The following GALNTL6 variants were observed in gnomAD, a reference collection of about 807,000 sequenced individuals.
GALNTL6 encodes polypeptide N-acetylgalactosaminyltransferase like 6, also known as polypeptide N-acetylgalactosaminyltransferase-like 6.
Under a neutral mutation model 73.7 loss-of-function variants are expected in GALNTL6, and 46 were observed. That is an observed-to-expected ratio of 0.62 (90% confidence interval 0.49 to 0.80). GALNTL6 has a LOEUF of 0.80. Among genes scored for constraint, GALNTL6 ranks in the 30% least tolerant of loss-of-function variants. The probability of loss-of-function intolerance (pLI) is 0.00; values close to 1 mark genes in which losing one functional copy is unlikely to be tolerated. For synonymous variants in GALNTL6, 259 were observed against 263.7 expected, an observed-to-expected ratio of 0.98 and a Z score of 0.17; for missense variants, 604 against 755.0, an observed-to-expected ratio of 0.80 and a Z score of 2.34.
intron 5 of GALNTL6, among the ~76,000 whole-genome samples, chr4:172,551,855 G>A (rs1327749317): frequency 6.6e-6 from 1 of 152,046 alleles, no homozygotes; most frequent in Non-Finnish European, 1.5e-5. Context: ...TAAACAATGG[G>A]GGTGTTTTAT....
chr4:172,692,543 T>G (rs1214680150), intron 5 of GALNTL6, among the ~76,000 whole-genome samples: 3 of 152,192 alleles, frequency 2.0e-5, no homozygotes, highest in African/African-American at 7.2e-5. Context: ...GAAAATTATA[T>G]GTCATTGTTT....
At chr4:171,825,915 A>G (rs1428008091) in intron 2 of GALNTL6, among the ~76,000 whole-genome samples, 1 of 152,158 alleles carries the variant, frequency 6.6e-6, no homozygotes, top group Non-Finnish European at 1.5e-5. Flanking sequence ...TTTTCAGCTC[A>G]AGTCTTCTGC....
intron 5 of GALNTL6, among the ~76,000 whole-genome samples, chr4:172,662,482 C>T (rs758394095): frequency 7.9e-5 from 12 of 152,168 alleles, no homozygotes; most frequent in Non-Finnish European, 1.5e-4. Context: ...CCACGATAAT[C>T]GGCAGTGTAT....
chr4:172,668,731 A>C (rs1731806640), intron 5 of GALNTL6: 1 of 152,172 alleles, frequency 6.6e-6, no homozygotes, highest in South Asian at 2.1e-4. Flanking sequence ...AAAGTAACAG[A>C]AAAAGAGCTC....
At chr4:172,139,808 T>C (rs1458865037) in intron 2 of GALNTL6, among the ~76,000 whole-genome samples, 3 of 152,152 alleles carry the variant, frequency 2.0e-5, no homozygotes, top group African/African-American at 7.2e-5. Flanking sequence ...TTTTCACTTA[T>C]TTTTTTAAAA....
chr4:173,031,766 G>C (rs920211479), intron 12 of GALNTL6, among the ~76,000 whole-genome samples: 1 of 152,112 alleles, frequency 6.6e-6, no homozygotes, highest in South Asian at 2.1e-4. Context: ...ATGGATAGAC[G>C]GAAACAAGGT....
chr4:172,201,597 G>A (rs748852966), intron 2 of GALNTL6, among the ~76,000 whole-genome samples: 7 of 151,770 alleles, frequency 4.6e-5, no homozygotes, highest in South Asian at 2.1e-4. Flanking sequence ...GTTATTAAAC[G>A]AAACACAGAT....
chr4:172,211,852 G>A (rs1414054577), intron 2 of GALNTL6, among the ~76,000 whole-genome samples: 1 of 152,136 alleles, frequency 6.6e-6, no homozygotes, highest in African/African-American at 2.4e-5. Flanking sequence ...TTTCATAAGG[G>A]TGCTAATACC....
intron 2 of GALNTL6, among the ~76,000 whole-genome samples, chr4:171,896,889 AT>A (rs1253010581): frequency 1.3e-5 from 2 of 152,212 alleles, no homozygotes; most frequent in Admixed American, 1.3e-4. Flanking sequence ...AAAAATTAAA[AT>A]TTAATTCTAA....
chr4:172,912,472 G>GTACCGTCC lies in GALNTL6; in HGVS notation c.1042-18689_1042-18688insTACCGTCC, dbSNP rs1432369579. On this transcript the variant is annotated intron_variant, in intron 8 of 12. Transcript: ENST00000506823. ...AGGGAATTCCCTTTCCTAGACAAGGGAAGCCATGACAGACGGTACCTGCAA... is the reference window on the plus strand; with the variant it reads ...AGGGAATTCCCTTTCCTAGACAAGGGTACCGTCCAAGCCATGACAGACGGTACCTGCAA... Among the ~76,000 whole-genome samples, 11 of 152,342 alleles carry GTACCGTCC rather than the reference G, an allele frequency of 7.2e-5. No homozygotes were observed. In the East Asian group the frequency reaches 2.1e-3, roughly 29 times the overall value.
intron 5 of GALNTL6, among the ~76,000 whole-genome samples, chr4:172,719,990 G>C (rs577666912): frequency 6.6e-6 from 1 of 152,132 alleles, no homozygotes; most frequent in Admixed American, 6.5e-5. Flanking sequence ...GCAGTAGTGA[G>C]GACGACCGGA....
At chr4:172,202,473 G>A (rs565366059) in intron 2 of GALNTL6, among the ~76,000 whole-genome samples, 5 of 152,102 alleles carry the variant, frequency 3.3e-5, no homozygotes, top group East Asian at 1.9e-4. Flanking sequence ...TTTCATATAC[G>A]ATCAAATATG....
chr4:171,934,833 T>G (rs1234117471), intron 2 of GALNTL6, among the ~76,000 whole-genome samples: 1 of 152,222 alleles, frequency 6.6e-6, no homozygotes, highest in Non-Finnish European at 1.5e-5. Context: ...CCTGTCATAT[T>G]AACCAATTTC....
chr4:172,367,544 T>A (rs747364395), intron 5 of GALNTL6, among the ~76,000 whole-genome samples: 2 of 152,156 alleles, frequency 1.3e-5, no homozygotes, highest in Admixed American at 6.5e-5. Context: ...GCATACAGTC[T>A]GTATTGGAAA....
intron 5 of GALNTL6, among the ~76,000 whole-genome samples, chr4:172,372,162 A>G (rs1341242120): frequency 2.6e-5 from 4 of 152,176 alleles, no homozygotes; most frequent in African/African-American, 7.2e-5. Flanking sequence ...ATGAGCTTCC[A>G]TCGGTATATA....
intron 2 of GALNTL6, among the ~76,000 whole-genome samples, chr4:172,043,586 A>T (rs1203193695): frequency 6.6e-6 from 1 of 152,064 alleles, no homozygotes; most frequent in Non-Finnish European, 1.5e-5. Context: ...GGTTTTATTT[A>T]TAGGATTAGA....
At chr4:172,785,032 G>A (rs1471769919) in intron 5 of GALNTL6, among the ~76,000 whole-genome samples, 1 of 152,110 alleles carries the variant, frequency 6.6e-6, no homozygotes, top group African/African-American at 2.4e-5. Context: ...TGGCTTCACT[G>A]TCAAGAAAAC....
Position 173,022,095 on chromosome 4 carries a change from G to A in GALNTL6, c.1638+470G>A, listed in dbSNP as rs943790317. Among the ~76,000 whole-genome samples, 173 of 140,748 alleles carry A rather than the reference G, an allele frequency of 1.2e-3. 4 individuals are homozygous for A. The East Asian group carries it at 0.033, about 26-fold the overall frequency. The allele number at this position is 140,748 out of a possible 152,430, so 92.3% of individuals were successfully genotyped here. Reference sequence around the variant, plus strand: ...GGAAGGAAGGAAGGAAGGAAAGAAGGAAGGAAGGAAGGAAAGAAGGAAGGA... The same window carrying A: ...GGAAGGAAGGAAGGAAGGAAAGAAGAAAGGAAGGAAGGAAAGAAGGAAGGA... On this transcript the variant is annotated intron_variant, in intron 12 of 12. Transcript: ENST00000506823.
chr4:172,617,254 G>A (rs1469128359), intron 5 of GALNTL6, among the ~76,000 whole-genome samples: 7 of 151,808 alleles, frequency 4.6e-5, no homozygotes, highest in Non-Finnish European at 1.5e-5. Context: ...AAAATGAGAA[G>A]TTCTTTTGTA....
Sources: gnomAD v4.1 joint callset for allele counts (sites outside exome capture counted in the v4.1 genomes callset) on GRCh38, gnomAD v4.1.1 for gene constraint, MANE v1.5 for transcripts, NCBI Gene and HGNC (gene_info 2026-07-23, HGNC 2026-07-21) for gene names.